Variants in SPTLC3 observed in about 807,000 individuals in gnomAD.
The protein encoded by SPTLC3 is serine palmitoyltransferase long chain base subunit 3.
In SPTLC3, 36 loss-of-function variants were observed where a neutral mutation model predicts 59.3. The observed-to-expected ratio is 0.61, with a 90% CI of 0.47 to 0.80. SPTLC3 has a LOEUF of 0.80. SPTLC3 is among the 30% of genes least tolerant of loss of function. The probability of loss-of-function intolerance (pLI) is 0.00; values close to 1 mark genes in which losing one functional copy is unlikely to be tolerated. For missense variants in SPTLC3, 625 were observed against 685.1 expected (o/e 0.91, Z 0.98); for synonymous variants, 257 against 240.8 (o/e 1.07, Z -0.62).
At chr20:13,110,432 C>G (rs912701196) in intron 7 of SPTLC3, among the ~76,000 whole-genome samples, 4 of 152,122 alleles carry the variant, frequency 2.6e-5, no homozygotes, top group Non-Finnish European at 5.9e-5. Context: ...GGAGGCTGGC[C>G]GGCTTGTGAA....
intron 2 of SPTLC3, among the ~76,000 whole-genome samples, chr20:13,056,414 G>A (rs1189651996): frequency 6.6e-6 from 1 of 150,836 alleles, no homozygotes; most frequent in Admixed American, 6.6e-5. Flanking sequence ...GATGGGACTT[G>A]ATCTCCCAAC....
intron 9 of SPTLC3, among the ~76,000 whole-genome samples, chr20:13,147,726 C>T (rs2038548140): frequency 6.6e-6 from 1 of 152,110 alleles, no homozygotes; most frequent in African/African-American, 2.4e-5. Flanking sequence ...AAGACAAGGA[C>T]CTCATTTTCC....
intron 2 of SPTLC3, among the ~76,000 whole-genome samples, chr20:13,071,152 T>C (rs1188850013): frequency 6.6e-6 from 1 of 152,256 alleles, no homozygotes; most frequent in Non-Finnish European, 1.5e-5. Context: ...AGGAGAATCT[T>C]GAGGCTGCAG....
At chr20:13,130,988 C>T (rs2038106867) in intron 9 of SPTLC3, among the ~76,000 whole-genome samples, 1 of 152,146 alleles carries the variant, frequency 6.6e-6, no homozygotes, top group South Asian at 2.1e-4. Flanking sequence ...TGGTTCCACA[C>T]CAGTTGTGGC....
At chr20:13,131,650 G>C (rs572450859) in intron 9 of SPTLC3, among the ~76,000 whole-genome samples, 1 of 152,112 alleles carries the variant, frequency 6.6e-6, no homozygotes, top group East Asian at 1.9e-4. Context: ...TCAGAATCAG[G>C]TCACTTCTCA....
chr20:13,152,801 C>T (rs187869290), intron 9 of SPTLC3, among the ~76,000 whole-genome samples: 29 of 152,274 alleles, frequency 1.9e-4, no homozygotes, highest in Admixed American at 3.3e-4. Flanking sequence ...ACACAAGATG[C>T]CCCCTGTTCA....
chr20:13,040,032 G>A (rs1431443), intron 1 of SPTLC3, among the ~76,000 whole-genome samples: 21,209 of 142,374 alleles, frequency 0.15, 2,223 homozygotes, highest in African/African-American at 0.31. Flanking sequence ...CAAATATATA[G>A]GTGTATGCAT....
chr20:13,035,812 C>T (rs1199145527), intron 1 of SPTLC3, among the ~76,000 whole-genome samples: 1 of 152,106 alleles, frequency 6.6e-6, no homozygotes, highest in Admixed American at 6.6e-5. Flanking sequence ...TTATAAAATA[C>T]ATGTCATAAA....
At chr20:13,078,738 G>T (rs1988735074) in intron 4 of SPTLC3, among the ~76,000 whole-genome samples, 1 of 150,532 alleles carries the variant, frequency 6.6e-6, no homozygotes, top group Non-Finnish European at 1.5e-5. Context: ...TTCACCTTCT[G>T]GGTTTCAAGC....
At chr20:13,112,791 A>G (rs1376476003) in intron 7 of SPTLC3, among the ~76,000 whole-genome samples, 1 of 152,204 alleles carries the variant, frequency 6.6e-6, no homozygotes, top group Admixed American at 6.5e-5. Flanking sequence ...CAATTTCCTC[A>G]TCTGTAAAAT....
At chr20:13,066,263 A>G (rs1384450255) in intron 2 of SPTLC3, among the ~76,000 whole-genome samples, 3 of 152,210 alleles carry the variant, frequency 2.0e-5, no homozygotes, top group African/African-American at 4.8e-5. Flanking sequence ...AAAGAATCCA[A>G]TTTCATTATT....
chr20:13,092,012 T>C (rs1989239064), intron 5 of SPTLC3, among the ~76,000 whole-genome samples: 1 of 152,108 alleles, frequency 6.6e-6, no homozygotes, highest in African/African-American at 2.4e-5. Flanking sequence ...CTGAATAAAA[T>C]AGGACAAATA....
intron 1 of SPTLC3, among the ~76,000 whole-genome samples, chr20:13,020,026 T>C (rs1985786050): frequency 6.6e-6 from 1 of 152,214 alleles, no homozygotes; most frequent in Non-Finnish European, 1.5e-5. Flanking sequence ...TTAGAAACTT[T>C]GGCTCTGAAA....
intron 2 of SPTLC3, 103 bp from the exon 3 acceptor site, chr20:13,072,153 G>A: frequency 1.6e-6 from 2 of 1,268,952 alleles, no homozygotes; most frequent in Non-Finnish European, 2.2e-6. Flanking sequence ...ATCTGTAGAT[G>A]TGTTATTTCC....
At chr20:13,142,337 C>T (rs113144954) in intron 9 of SPTLC3, among the ~76,000 whole-genome samples, 2 of 152,102 alleles carry the variant, frequency 1.3e-5, no homozygotes, top group African/African-American at 2.4e-5. Context: ...GTGGTTGGAC[C>T]CTGAGATGGG....
intron 1 of SPTLC3, among the ~76,000 whole-genome samples, chr20:13,037,293 T>C (rs1986778651): frequency 6.6e-6 from 1 of 152,244 alleles, no homozygotes; most frequent in African/African-American, 2.4e-5. Flanking sequence ...TATCTTGGAC[T>C]AATTATGCTT....
At position 13,017,847 on chromosome 20, in the gene SPTLC3, C is replaced by T. The variant is rs545863383; in HGVS notation, c.117+8463C>T. 2.0e-5 allele frequency among the ~76,000 whole-genome samples: 3 copies of T among 152,236 alleles called. No individual in the cohort carries two copies. In the South Asian group the frequency reaches 6.2e-4, roughly 32 times the overall value. The stretch of plus-strand genomic sequence containing the variant: ...ACCTAATGACTTACTTGACCAAAAA[C>T]GTGATGGAAGGGACAATCTGGGACT... On this transcript the variant is annotated intron_variant, in intron 1 of 11. Transcript: ENST00000399002.
At chr20:13,064,989 T>G (rs1375731002) in intron 2 of SPTLC3, among the ~76,000 whole-genome samples, 1 of 152,162 alleles carries the variant, frequency 6.6e-6, no homozygotes, top group African/African-American at 2.4e-5. Flanking sequence ...ATTGATAACA[T>G]ATAGCAAAGC....
chr20:13,031,739 T>C (rs751969125), intron 1 of SPTLC3, among the ~76,000 whole-genome samples: 4 of 152,110 alleles, frequency 2.6e-5, no homozygotes, highest in African/African-American at 4.8e-5. Flanking sequence ...GCACAGTGTT[T>C]GCAGCTACTA....
Sources: gnomAD v4.1 joint callset for allele counts (sites outside exome capture counted in the v4.1 genomes callset) on GRCh38, gnomAD v4.1.1 for gene constraint, MANE v1.5 for transcripts, NCBI Gene and HGNC (gene_info 2026-07-23, HGNC 2026-07-21) for gene names.